MPND: variants seen among roughly 807,000 people sequenced by gnomAD.
MPND encodes MPN domain-containing protein.
MPND carries 56 observed loss-of-function variants against 59.2 expected under a neutral mutation model. That is an observed-to-expected ratio of 0.95 (90% CI 0.76 to 1.18). The LOEUF is 1.18. Among genes scored for constraint, MPND ranks in the 50% most tolerant of loss-of-function variants. MPND has a pLI of 0.00. For synonymous variants in MPND, 323 were observed against 291.9 expected (o/e 1.11, Z -1.09); for missense variants, 671 against 676.0 (o/e 0.99, Z 0.08).
chr19:4,343,660 C>CAGGGGCGCGGGGCTGT (rs1599562456), intron 1 of MPND, 48 bp from the exon 2 acceptor site: 1 of 1,201,232 alleles, frequency 8.3e-7, no homozygotes. Context: ...CGCGGGGCTG[C>CAGGGGCGCGGGGCTGT]AGAGCCGTGG....
At position 4,352,961 on chromosome 19, in the gene MPND, CA is replaced by C; in HGVS notation, c.597del (p.Val201SerfsTer58). 1.4e-6 allele frequency: 2 copies of C among 1,400,038 alleles called. No individual in the cohort carries two copies. Among genetic ancestry groups the C allele is most frequent in the South Asian group, 3.7e-5 (2 of 53,614 alleles). The allele number at this position is 1,400,038 out of a possible 1,614,324, so 86.7% of individuals were successfully genotyped here. A position where few individuals can be genotyped will look rare whatever the true frequency, so the allele number is the denominator to read the frequency against. ...GAAGAGGAGGAGGAGGACGTTCTGG[CA>C]GGGGTCTCAGCAGAGGACAAGAGTC... ...LMEEEEEDVL[A>X]GVSAEDKSRR... On this transcript the variant is annotated frameshift_variant, in exon 4 of 13. Coordinates refer to ENST00000599840, the MANE Select transcript of MPND (RefSeq NM_001300862.2). LOFTEE classifies it high-confidence loss of function.
intron 3 of MPND, chr19:4,347,780 A>T: frequency 6.2e-6 from 3 of 487,036 alleles, no homozygotes; most frequent in Non-Finnish European, 1.1e-5. Context: ...TGGCAAAAAA[A>T]CCCTTGACCC....
intron 8 of MPND, 22 bp downstream of exon 8, chr19:4,355,195 G>A (rs1176369701): frequency 6.2e-7 from 1 of 1,610,962 alleles, no homozygotes; most frequent in East Asian, 2.2e-5. Context: ...CCTGGGAGGT[G>A]GCATTCTGGG....
intron 8 of MPND, among the ~76,000 whole-genome samples, chr19:4,355,528 G>C (rs1972419560): frequency 6.6e-6 from 1 of 152,112 alleles, no homozygotes; most frequent in African/African-American, 2.4e-5. Flanking sequence ...GTAGAGACGG[G>C]GTTTCACCGC....
At position 4,355,084 on chromosome 19, in the gene MPND, C is replaced by T. The variant is rs1972405981; in HGVS notation, c.920-13C>T. 3.1e-6 allele frequency: 5 copies of T among 1,613,700 alleles called. No homozygotes were observed. Among genetic ancestry groups the T allele is most frequent in the Admixed American group, 3.3e-5 (2 of 59,970 alleles). On this transcript the variant is annotated splice_polypyrimidine_tract_variant and intron_variant, in intron 7 of 12. Coordinates refer to ENST00000599840, the MANE Select transcript of MPND (RefSeq NM_001300862.2). ...GACCGGGGTCACGGGGTCACAGCTGCCCCTCCCCACAGTGCTGACGGTGCT... is the reference window on the plus strand; with the variant it reads ...GACCGGGGTCACGGGGTCACAGCTGTCCCTCCCCACAGTGCTGACGGTGCT...
intron 8 of MPND, chr19:4,356,937 G>C (rs932642393): frequency 1.9e-5 from 5 of 256,804 alleles, no homozygotes; most frequent in Admixed American, 5.5e-5. Context: ...ACTGCTCCCA[G>C]CCTAGTTTTA....
chr19:4,354,304 G>A lies in MPND; in HGVS notation c.750-20G>A, dbSNP rs1418658811. 1.4e-5 allele frequency: 21 copies of A among 1,550,534 alleles called. No individual in the cohort carries two copies. The highest frequency in any genetic ancestry group is 1.7e-5 in the Non-Finnish European group (20 of 1,145,402). Reference sequence around the variant, plus strand: ...AGCCTGGGGATTCCTGAGACTGTGCGACCCTCCTGGCCCCTACAGGAACCC... The same window carrying A: ...AGCCTGGGGATTCCTGAGACTGTGCAACCCTCCTGGCCCCTACAGGAACCC... On this transcript the variant is annotated intron_variant, in intron 5 of 12. Coordinates refer to ENST00000599840, the MANE Select transcript of MPND (RefSeq NM_001300862.2).
chr19:4,355,972 G>A (rs1972430563), intron 8 of MPND, among the ~76,000 whole-genome samples: 1 of 150,710 alleles, frequency 6.6e-6, no homozygotes, highest in African/African-American at 2.4e-5. Context: ...TCCTGCCTCT[G>A]CCTCCTGAAT....
intron 8 of MPND, among the ~76,000 whole-genome samples, chr19:4,355,714 C>T (rs1285544574): frequency 4.0e-5 from 6 of 151,696 alleles, no homozygotes; most frequent in Non-Finnish European, 7.4e-5. Flanking sequence ...CGTGATCCGC[C>T]CACCTCAGCC....
Position 4,354,430 on chromosome 19 carries a change from C to T in MPND, c.846+10C>T. The T allele has an allele frequency of 1.3e-6, 2 of 1,552,964 alleles. No individual in the cohort carries two copies. The highest frequency in any genetic ancestry group is 1.7e-6 in the Non-Finnish European group (2 of 1,147,340). On this transcript the variant is annotated intron_variant, in intron 6 of 12. Coordinates refer to ENST00000599840, the MANE Select transcript of MPND (RefSeq NM_001300862.2). ...CGTGCTGTTCCTGCTGGTGTGTGGC[C>T]CACCCTGTCTAGGGGCAAGGGGCTC...
intron 3 of MPND, 70 bp downstream of exon 3, chr19:4,346,051 A>C: frequency 7.5e-7 from 1 of 1,333,338 alleles, no homozygotes. Context: ...AGCCTGGCAC[A>C]GCTCTCTCCG....
chr19:4,355,857 C>CT (rs56331661), intron 8 of MPND, among the ~76,000 whole-genome samples: 63 of 142,642 alleles, frequency 4.4e-4, no homozygotes, highest in Non-Finnish European at 6.2e-4. Context: ...TGCGCCCGGC[C>CT]TTTTTTTTTT....
chr19:4,343,994 G>GGCT lies in MPND; in HGVS notation c.294+1_294+2insCTG. On this transcript the variant is annotated inframe_insertion and splice_region_variant. Coordinates refer to ENST00000599840, the MANE Select transcript of MPND (RefSeq NM_001300862.2). The stretch of plus-strand genomic sequence containing the variant: ...CCGGGGTGCTGTCCATCTACTACCT[G>GGCT]GTGAGCACCCCGCCTCCCTCGTCCC... 7.5e-7 allele frequency: 1 copy of GGCT among 1,330,894 alleles called. No homozygotes were observed. 82.4% of individuals were successfully genotyped at this position (1,330,894 alleles called of 1,614,324 possible). A position where few individuals can be genotyped will look rare whatever the true frequency, so the allele number is the denominator to read the frequency against.
chr19:4,354,805 G>A (rs994298565), intron 6 of MPND, 144 bp from the exon 7 acceptor site: 14 of 784,288 alleles, frequency 1.8e-5, no homozygotes, highest in African/African-American at 5.3e-5. Flanking sequence ...CGGAGGTTGC[G>A]GTGAGCCAAG....
Position 4,359,165 on chromosome 19 carries a change from G to C in MPND, c.1329G>C (p.Met443Ile), listed in dbSNP as rs1342511061. The C allele has an allele frequency of 1.2e-6, 2 of 1,611,942 alleles. No individual in the cohort carries two copies. Among genetic ancestry groups the C allele is most frequent in the Non-Finnish European group, 8.5e-7 (1 of 1,178,408 alleles). ...FLTNDILHEM[M>I]LLVEFYKGSP... ...GTCCATGCTCCTCTGTCCTGTAGAT[G>C]CTGCTGGTGGAGTTCTACAAGGGTT... Residue 443 changes from methionine (M) to isoleucine (I), a missense_variant and splice_region_variant, in exon 12 of 13, where the codon ATG (methionine) becomes ATC (isoleucine). Coordinates refer to ENST00000599840, the MANE Select transcript of MPND (RefSeq NM_001300862.2).
chr19:4,350,200 G>A (rs7258168), intron 3 of MPND, among the ~76,000 whole-genome samples: 23,126 of 152,008 alleles, frequency 0.15, 3,325 homozygotes, highest in African/African-American at 0.37. Context: ...GGGCACGACC[G>A]TGCCTGGTGT....
chr19:4,357,180 G>A, intron 8 of MPND, 73 bp from the exon 9 acceptor site: 1 of 1,485,770 alleles, frequency 6.7e-7, no homozygotes. Context: ...ATTCGTTCAG[G>A]GCTGGCCAGC....
Position 4,354,098 on chromosome 19 carries a change from T to C in MPND, c.718T>C (p.Tyr240His), listed in dbSNP as rs1972379228. The C allele has an allele frequency of 1.9e-6, 3 of 1,613,218 alleles. No homozygotes were observed. The highest frequency in any genetic ancestry group is 2.7e-5 in the African/African-American group (2 of 75,042). ...VDSKIRVPVR[Y>H]CMLGSRDLAR... ...CAGCAAGATCCGGGTTCCGGTCCGCTACTGCATGCTGGGCAGCCGCGACTT... is the reference window on the plus strand; with the variant it reads ...CAGCAAGATCCGGGTTCCGGTCCGCCACTGCATGCTGGGCAGCCGCGACTT... The change falls in exon 5 of 13, where the codon TAC (tyrosine) becomes CAC (histidine). Residue 240 changes from tyrosine (Y) to histidine (H), a missense_variant. Coordinates refer to ENST00000599840, the MANE Select transcript of MPND (RefSeq NM_001300862.2).
At chr19:4,355,880 A>C (rs1185750231) in intron 8 of MPND, among the ~76,000 whole-genome samples, 2 of 118,142 alleles carry the variant, frequency 1.7e-5, no homozygotes, top group Non-Finnish European at 1.7e-5. Flanking sequence ...TTCTTGAGAC[A>C]TTCTCGCTCT....
Sources: allele counts gnomAD v4.1 joint callset (sites outside exome capture counted in the v4.1 genomes callset), GRCh38; gene constraint gnomAD v4.1.1; transcripts MANE v1.5; gene names NCBI Gene and HGNC (gene_info 2026-07-23, HGNC 2026-07-21).